The following CENPX variants were observed in gnomAD, a reference collection of about 807,000 sequenced individuals.
CENPX encodes the protein centromere protein X, also known as FANCM associated histone fold protein 2.
In CENPX, 13 loss-of-function variants were observed where a neutral mutation model predicts 13.2. The ratio of observed to expected loss-of-function variants is 0.98; its 90% CI spans 0.64 to 1.56. CENPX has a LOEUF of 1.56. CENPX is among the 40% of genes most tolerant of loss of function. The probability of loss-of-function intolerance (pLI) is 0.00; values close to 1 mark genes in which losing one functional copy is unlikely to be tolerated. For synonymous variants in CENPX, 66 were observed against 47.2 expected (o/e 1.40, Z -1.63); for missense variants, 138 against 107.5 (o/e 1.28, Z -1.26).
At chr17:82,019,936 A>AGGCC in intron 1 of CENPX, 27 bp from the exon 2 acceptor site, 1 of 1,534,108 alleles carries the variant, frequency 6.5e-7, no homozygotes, top group Non-Finnish European at 8.8e-7. Context: ...TGTCAGCGCC[A>AGGCC]CGCCCCGCCC....
At chr17:82,021,584 C>G (rs1428202490) in intron 1 of CENPX, among the ~76,000 whole-genome samples, 1 of 152,174 alleles carries the variant, frequency 6.6e-6, no homozygotes, top group Non-Finnish European at 1.5e-5. Context: ...TGCCCCATGA[C>G]GTGGGCGCCA....
intron 1 of CENPX, among the ~76,000 whole-genome samples, chr17:82,022,149 A>AC (rs1290070271): frequency 6.6e-6 from 1 of 152,046 alleles, no homozygotes; most frequent in Non-Finnish European, 1.5e-5. Flanking sequence ...TGCACATGGC[A>AC]CCCCCAGAGA....
At position 82,022,853 on chromosome 17, in the gene CENPX, T is replaced by C. The variant is rs1437962636; in HGVS notation, c.9A>G (p.Gly3=). ME[G]AGAGSGFRKE... is the part of the protein sequence containing the mutation. ...TCCGGAAGCCGGATCCAGCTCCTGC[T>C]CCCTCCATGACCGCAGCCTCAACGC... is the stretch of plus-strand genomic sequence containing the variant. The change falls in exon 1 of 5, where the codon GGA becomes GGG. Residue 3 remains glycine, a synonymous_variant. Coordinates refer to ENST00000392359, the MANE Select transcript of CENPX (RefSeq NM_001271006.2). 6.3e-7 allele frequency: 1 copy of C among 1,592,320 alleles called. No homozygotes were observed. Among genetic ancestry groups the C allele is most frequent in the Non-Finnish European group, 8.5e-7 (1 of 1,172,486 alleles).
At position 82,018,710 on chromosome 17, in the gene CENPX, G is replaced by A. The variant is rs935671697; in HGVS notation, c.*495C>T. 5.0e-5 allele frequency: 12 copies of A among 241,768 alleles called. No individual in the cohort carries two copies. The highest frequency in any genetic ancestry group is 8.8e-5 in the Non-Finnish European group (11 of 124,562). 15.0% of individuals were successfully genotyped at this position (241,768 alleles called of 1,614,324 possible). ...ATGGCAAGAAAGCCAAGCTGGGAGA[G>A]ACAGTTTTGATTTATTGATGTTGCT... On this transcript the variant is annotated 3_prime_UTR_variant, in exon 5 of 5. Coordinates refer to ENST00000392359, the MANE Select transcript of CENPX (RefSeq NM_001271006.2).
chr17:82,019,024 C>A lies in CENPX; in HGVS notation c.*181G>T. 1 of 887,128 alleles carries A rather than the reference C, an allele frequency of 1.1e-6. No individual in the cohort carries two copies. The highest frequency in any genetic ancestry group is 1.6e-6 in the Non-Finnish European group (1 of 616,862). The allele number at this position is 887,128 out of a possible 1,614,324, so 55.0% of individuals were successfully genotyped here. On this transcript the variant is annotated 3_prime_UTR_variant, in exon 5 of 5. Coordinates refer to ENST00000392359, the MANE Select transcript of CENPX (RefSeq NM_001271006.2). ...TGTCCCCACTGGACACTCCAAGGCCCGCAGTGCACTGCAGTCCTGCCCCTT... is the reference window on the plus strand; with the variant it reads ...TGTCCCCACTGGACACTCCAAGGCCAGCAGTGCACTGCAGTCCTGCCCCTT...
At chr17:82,021,691 T>C (rs1258223992) in intron 1 of CENPX, among the ~76,000 whole-genome samples, 2 of 152,206 alleles carry the variant, frequency 1.3e-5, no homozygotes, top group Non-Finnish European at 2.9e-5. Flanking sequence ...GGGCCTCTAG[T>C]TGTCAGGTGG....
Position 82,019,902 on chromosome 17 carries a change from AC to A in CENPX, c.43del (p.Val15Ter). On this transcript the variant is annotated frameshift_variant, in exon 2 of 5. Coordinates refer to ENST00000392359, the MANE Select transcript of CENPX (RefSeq NM_001271006.2). LOFTEE classifies it high-confidence loss of function. ...GAAGTGCAGGTGCAGCAGCCTGCTC[AC>A]CAGCTCCTAGAAGGGAGGGGGGTGT... ...GAGSGFRKEL[V>X]SRLLHLHFKD... is the part of the protein sequence containing the mutation. 6.3e-7 allele frequency: 1 copy of A among 1,591,798 alleles called. No homozygotes were observed. The highest frequency in any genetic ancestry group is 1.1e-5 in the South Asian group (1 of 89,560).
At chr17:82,020,178 G>A (rs1260781248) in intron 1 of CENPX, among the ~76,000 whole-genome samples, 3 of 152,196 alleles carry the variant, frequency 2.0e-5, no homozygotes, top group East Asian at 1.9e-4. Context: ...TCGCAGACAC[G>A]GGAGCAGGCC....
intron 2 of CENPX, 21 bp from the exon 3 acceptor site, chr17:82,019,715 A>C (rs2043244564): frequency 6.5e-7 from 1 of 1,550,146 alleles, no homozygotes; most frequent in South Asian, 1.2e-5. Context: ...GGGGGAGGTT[A>C]TGCGGGACCC....
chr17:82,019,488 C>A, intron 3 of CENPX, 107 bp from the exon 4 acceptor site: 1 of 1,512,634 alleles, frequency 6.6e-7, no homozygotes, highest in East Asian at 2.5e-5. Context: ...CACGGGCAGC[C>A]CCCAGAACCA....
In CENPX at chr17:82,019,893, A is replaced by C. The variant is rs2043249660; in HGVS notation, c.53T>G (p.Leu18Arg). 1 of 1,593,708 alleles carries C rather than the reference A, an allele frequency of 6.3e-7. No individual in the cohort carries two copies. The highest frequency in any genetic ancestry group is 1.3e-5 in the African/African-American group (1 of 74,118). The change falls in exon 2 of 5, where the codon CTG becomes CGG. Residue 18 changes from leucine to arginine, a missense_variant. Coordinates refer to ENST00000392359, the MANE Select transcript of CENPX (RefSeq NM_001271006.2). Reference protein sequence around the residue: ...SGFRKELVSRLLHLHFKDDKT... With the variant: ...SGFRKELVSRRLHLHFKDDKT... ...GTCATCCTTGAAGTGCAGGTGCAGC[A>C]GCCTGCTCACCAGCTCCTAGAAGGG...
intron 1 of CENPX, 133 bp from the exon 2 acceptor site, chr17:82,020,042 AG>A: frequency 1.2e-6 from 1 of 850,468 alleles, no homozygotes; most frequent in Non-Finnish European, 1.8e-6. Flanking sequence ...CTCCCAGGGC[AG>A]GGGACAAGGG....
chr17:82,019,741 G>C, intron 2 of CENPX, 47 bp from the exon 3 acceptor site: 1 of 1,550,126 alleles, frequency 6.5e-7, no homozygotes, highest in South Asian at 1.2e-5. Flanking sequence ...CACCGCTCTG[G>C]CTGGGTGCTC....
In CENPX at chr17:82,021,908, C is replaced by T. The variant is rs115889730; in HGVS notation, c.36+918G>A. 3.8e-3 allele frequency among the ~76,000 whole-genome samples: 573 copies of T among 152,314 alleles called. 2 individuals are homozygous for T. Among genetic ancestry groups the T allele is most frequent in the African/African-American group, 0.013 (551 of 41,578 alleles). On this transcript the variant is annotated intron_variant, in intron 1 of 4. Transcript: ENST00000392359. ...CGACACCCCCCGCCCCCCACGCCTG[C>T]TGCCTTGGGTGATAAAGAAGGGCCT... is the stretch of plus-strand genomic sequence containing the variant.
chr17:82,019,921 G>C lies in CENPX; in HGVS notation c.37-12C>G. ...CTGCTCACCAGCTCCTAGAAGGGAGGGGGGTGTCAGCGCCACGCCCCGCCC... is the reference window on the plus strand; with the variant it reads ...CTGCTCACCAGCTCCTAGAAGGGAGCGGGGTGTCAGCGCCACGCCCCGCCC... On this transcript the variant is annotated splice_polypyrimidine_tract_variant and intron_variant, in intron 1 of 4. Transcript: ENST00000392359. 4 of 1,580,676 alleles carry C rather than the reference G, an allele frequency of 2.5e-6. No individual in the cohort carries two copies. The highest frequency in any genetic ancestry group is 2.6e-6 in the Non-Finnish European group (3 of 1,158,770).
chr17:82,022,584 T>G (rs1181790106), intron 1 of CENPX: 1 of 573,884 alleles, frequency 1.7e-6, no homozygotes, highest in African/African-American at 2.0e-5. Flanking sequence ...CCTGCCTGTT[T>G]CTGCAGACCC....
At chr17:82,020,097 G>A (rs2043254769) in intron 1 of CENPX, among the ~76,000 whole-genome samples, 188 bp from the exon 2 acceptor site, 1 of 152,218 alleles carries the variant, frequency 6.6e-6, no homozygotes, top group Admixed American at 6.5e-5. Flanking sequence ...CAGATGCGTG[G>A]GCAGCTCCAC....
rs937946029 is a variant in CENPX at position 82,022,690 on chromosome 17, G to A, written c.36+136C>T. 2.0e-4 allele frequency: 214 copies of A among 1,053,272 alleles called. 1 individual carries two copies. Among genetic ancestry groups the A allele is most frequent in the Non-Finnish European group, 2.6e-4 (191 of 734,732 alleles). 65.2% of individuals were successfully genotyped at this position (1,053,272 alleles called of 1,614,324 possible). On this transcript the variant is annotated intron_variant, in intron 1 of 4. Coordinates refer to ENST00000392359, the MANE Select transcript of CENPX (RefSeq NM_001271006.2). ...GCGCGGGGCGCGCGGCCCGGCCGGA[G>A]ATGGAGTCTGAGAACGGGCCCAACC... is the stretch of plus-strand genomic sequence containing the variant.
chr17:82,018,857 A>G lies in CENPX; in HGVS notation c.*348T>C. The G allele has an allele frequency of 2.8e-6, 1 of 353,016 alleles. No homozygotes were observed. The highest frequency in any genetic ancestry group is 5.1e-6 in the Non-Finnish European group (1 of 196,362). 21.9% of individuals were successfully genotyped at this position (353,016 alleles called of 1,614,324 possible). Reference sequence around the variant, plus strand: ...AATGTGGGCAGGAGGCAGCGCTGCCAGCTGCTGTTTGTCAAACACACAGGC... The same window carrying G: ...AATGTGGGCAGGAGGCAGCGCTGCCGGCTGCTGTTTGTCAAACACACAGGC... On this transcript the variant is annotated 3_prime_UTR_variant, in exon 5 of 5. Transcript: ENST00000392359.
Sources: allele counts gnomAD v4.1 joint callset (sites outside exome capture counted in the v4.1 genomes callset), GRCh38; gene constraint gnomAD v4.1.1; transcripts MANE v1.5; gene names NCBI Gene and HGNC (gene_info 2026-07-23, HGNC 2026-07-21).